FRMPD4: variants seen among roughly 807,000 people sequenced by gnomAD.
FRMPD4 encodes FERM and PDZ domain containing 4.
FRMPD4 carries 22 observed loss-of-function variants against 94.1 expected under a neutral mutation model. The observed-to-expected ratio is 0.23, with a 90% CI of 0.17 to 0.33. FRMPD4 has a LOEUF of 0.33. Among genes scored for constraint, FRMPD4 ranks in the 10% least tolerant of loss-of-function variants. The pLI, the probability that FRMPD4 is intolerant of heterozygous loss-of-function variation, is 1.00. For missense variants in FRMPD4, 1,111 were observed against 1,339.9 expected (o/e 0.83, Z 2.67); for synonymous variants, 631 against 548.6 (o/e 1.15, Z -2.10).
At chrX:12,126,707 T>A (rs1484835992) in intron 3 of FRMPD4, among the ~76,000 whole-genome samples, 1 of 111,816 alleles carries the variant, frequency 8.9e-6, no homozygotes, top group African/African-American at 3.3e-5. Flanking sequence ...TTCCTTGAAG[T>A]CTAATTCGGT....
At chrX:12,256,480 G>A (rs2054116085) in intron 1 of FRMPD4, among the ~76,000 whole-genome samples, 2 of 112,082 alleles carry the variant, frequency 1.8e-5, no homozygotes, top group Admixed American at 9.5e-5. Flanking sequence ...GTTGAATTTG[G>A]TCAAGTGTGA....
Position 12,580,496 on chromosome X carries a change from G to C in FRMPD4, c.159-29225G>C, listed in dbSNP as rs148874880. ...TTAATTTATAAATTAGGCACAGGAA[G>C]ATTAACAACAATAACTAATAATGAA... is the stretch of plus-strand genomic sequence containing the variant. On this transcript the variant is annotated intron_variant, in intron 2 of 16. Coordinates refer to ENST00000675598, the MANE Select transcript of FRMPD4 (RefSeq NM_001368397.1). Among the ~76,000 whole-genome samples the C allele has an allele frequency of 3.6e-5, 4 of 112,016 alleles. No homozygotes were observed. The East Asian group carries it at 1.1e-3, about 31-fold the overall frequency.
chrX:12,614,629 C>T (rs930227343), intron 3 of FRMPD4, 150 bp from the exon 4 acceptor site: 12 of 430,230 alleles, frequency 2.8e-5, no homozygotes, highest in Admixed American at 1.8e-4. Flanking sequence ...AAGCCTGGGC[C>T]TCAGAATTGT....
At chrX:12,667,365 G>C (rs1169741030) in intron 4 of FRMPD4, among the ~76,000 whole-genome samples, 1 of 112,211 alleles carries the variant, frequency 8.9e-6, no homozygotes, top group Non-Finnish European at 1.9e-5. Context: ...TTTTCCCAAT[G>C]TCTGAGCAAA....
intron 2 of FRMPD4, among the ~76,000 whole-genome samples, chrX:12,606,447 G>A (rs2059132981): frequency 8.9e-6 from 1 of 111,954 alleles, no homozygotes; most frequent in Admixed American, 9.4e-5. Flanking sequence ...AGTCCGGAGT[G>A]TAACTCGGGC....
intron 1 of FRMPD4, among the ~76,000 whole-genome samples, chrX:12,211,416 G>T (rs2147739863): frequency 8.9e-6 from 1 of 112,293 alleles, no homozygotes; most frequent in Admixed American, 9.4e-5. Context: ...GGAAACCTCT[G>T]CAGATGGAAA....
chrX:12,410,765 TA>T (rs1359890699), intron 1 of FRMPD4, among the ~76,000 whole-genome samples: 1 of 111,627 alleles, frequency 9.0e-6, no homozygotes, highest in Non-Finnish European at 1.9e-5. Context: ...AAAGTATAAG[TA>T]GTTGCCGTTC....
chrX:12,279,395 A>C lies in FRMPD4; in HGVS notation c.41+140383A>C, dbSNP rs146393590. ...TGTCACCTCTGGCTTGTGCCATCAC[A>C]ACATTTGTGACCTTGCCACTGAACT... On this transcript the variant is annotated intron_variant, in intron 1 of 16. Transcript: ENST00000675598. Among the ~76,000 whole-genome samples the C allele has an allele frequency of 9.6e-3, 1,073 of 112,198 alleles. 7 individuals are homozygous for C. The highest frequency in any genetic ancestry group is 0.028 in the Middle Eastern group (6 of 218).
At chrX:12,613,751 G>C (rs969716003) in intron 3 of FRMPD4, among the ~76,000 whole-genome samples, 1 of 112,283 alleles carries the variant, frequency 8.9e-6, no homozygotes, top group Non-Finnish European at 1.9e-5. Context: ...GCTGAGGCGG[G>C]TGGATCACGA....
At chrX:12,433,263 A>G (rs894431071) in intron 1 of FRMPD4, among the ~76,000 whole-genome samples, 1 of 112,409 alleles carries the variant, frequency 8.9e-6, no homozygotes, top group East Asian at 2.8e-4. Context: ...AATAGGATTA[A>G]GCTATAAATA....
At position 12,305,727 on chromosome X, in the gene FRMPD4, T is replaced by TTTTTTTTTGTTTGTTTG. The variant is rs1432863664; in HGVS notation, c.41+166723_41+166724insGTTTGTTTGTTTTTTTT. 1.2e-3 allele frequency among the ~76,000 whole-genome samples: 55 copies of TTTTTTTTTGTTTGTTTG among 44,859 alleles called. 1 individual carries two copies. The highest frequency in any genetic ancestry group is 5.0e-3 in the African/African-American group (54 of 10,842). The allele number at this position is 44,859 out of a possible 115,157, so 39.0% of individuals were successfully genotyped here. The stretch of plus-strand genomic sequence containing the variant: ...CATGTACCACCACAGCTGGCTAAGT[T>TTTTTTTTTGTTTGTTTG]TTTTTTTTTTTTTTTTTTTTACAGA... On this transcript the variant is annotated intron_variant, in intron 1 of 16. Coordinates refer to ENST00000675598, the MANE Select transcript of FRMPD4 (RefSeq NM_001368397.1).
chrX:12,605,405 A>G (rs1420031908), intron 2 of FRMPD4, among the ~76,000 whole-genome samples: 1 of 111,381 alleles, frequency 9.0e-6, no homozygotes, highest in African/African-American at 3.3e-5. Context: ...TAAAAGCACA[A>G]CAATTTCTGC....
intron 1 of FRMPD4, among the ~76,000 whole-genome samples, chrX:12,172,250 T>C (rs1469974063): frequency 9.3e-6 from 1 of 107,045 alleles, no homozygotes; most frequent in African/African-American, 3.4e-5. Context: ...TTTCTGTCTC[T>C]AGTGATAAGG....
intron 1 of FRMPD4, among the ~76,000 whole-genome samples, chrX:12,246,493 G>A (rs1276278835): frequency 9.0e-6 from 1 of 111,677 alleles, no homozygotes; most frequent in Non-Finnish European, 1.9e-5. Flanking sequence ...TGGATTCTAG[G>A]ATGAGCCCAT....
chrX:12,076,728 T>C (rs984166960), intron 3 of FRMPD4, among the ~76,000 whole-genome samples: 1 of 111,055 alleles, frequency 9.0e-6, no homozygotes, highest in Non-Finnish European at 1.9e-5. Context: ...TATCTATGCA[T>C]TGATGACCTT....
chrX:11,980,483 G>A (rs909404205), intron 3 of FRMPD4, among the ~76,000 whole-genome samples: 2 of 111,088 alleles, frequency 1.8e-5, no homozygotes, highest in Admixed American at 1.9e-4. Flanking sequence ...CAACATATGG[G>A]TTTCTGATAT....
intron 2 of FRMPD4, among the ~76,000 whole-genome samples, chrX:12,583,135 C>G (rs763159449): frequency 3.6e-5 from 4 of 112,458 alleles, no homozygotes; most frequent in Non-Finnish European, 5.6e-5. Context: ...GCCACCACCT[C>G]TATTACTAAT....
chrX:12,344,227 C>T (rs763175433), intron 1 of FRMPD4, among the ~76,000 whole-genome samples: 4 of 111,763 alleles, frequency 3.6e-5, no homozygotes, highest in African/African-American at 1.3e-4. Flanking sequence ...GGAAGCCTTG[C>T]AAAATCAATG....
chrX:12,058,365 A>G (rs768190711), intron 3 of FRMPD4, among the ~76,000 whole-genome samples: 3 of 111,618 alleles, frequency 2.7e-5, no homozygotes, highest in Admixed American at 9.5e-5. Flanking sequence ...GGGAGACACA[A>G]AAGATTGAGA....
Sources: allele counts gnomAD v4.1 joint callset (sites outside exome capture counted in the v4.1 genomes callset), GRCh38; gene constraint gnomAD v4.1.1; transcripts MANE v1.5; gene names NCBI Gene and HGNC (gene_info 2026-07-23, HGNC 2026-07-21).